Variants in AZIN1 observed in about 807,000 individuals in gnomAD.
The protein encoded by AZIN1 is ornithine decarboxylase antizyme inhibitor.
A neutral mutation model predicts 47.4 loss-of-function variants in AZIN1; 12 were observed. The observed-to-expected ratio is 0.25, with a 90% CI of 0.16 to 0.41. The LOEUF is 0.41. Ranked by LOEUF, AZIN1 falls within the 10% of genes least tolerant of loss-of-function variation. AZIN1 has a pLI of 1.00. For synonymous variants in AZIN1, 155 were observed against 176.3 expected, an observed-to-expected ratio of 0.88 and a Z score of 0.96; for missense variants, 410 against 532.4, an observed-to-expected ratio of 0.77 and a Z score of 2.26.
chr8:102,850,645 T>A (rs1812861129), intron 2 of AZIN1, among the ~76,000 whole-genome samples: 1 of 152,098 alleles, frequency 6.6e-6, no homozygotes, highest in Admixed American at 6.6e-5. Flanking sequence ...GACCCCAAAA[T>A]AAGTGATAGA....
At chr8:102,849,371 C>T (rs1446114889) in intron 2 of AZIN1, among the ~76,000 whole-genome samples, 1 of 152,162 alleles carries the variant, frequency 6.6e-6, no homozygotes, top group African/African-American at 2.4e-5. Context: ...AGAATGCAGA[C>T]TCAAACCAAG....
At chr8:102,862,998 G>A (rs924414765) in intron 1 of AZIN1, among the ~76,000 whole-genome samples, 3 of 152,194 alleles carry the variant, frequency 2.0e-5, no homozygotes, top group African/African-American at 7.2e-5. Context: ...ACCATGGCGC[G>A]GACGGAAAAA....
intron 9 of AZIN1, 53 bp downstream of exon 9, chr8:102,833,003 A>C (rs1044743103): frequency 6.8e-7 from 1 of 1,473,334 alleles, no homozygotes; most frequent in Non-Finnish European, 9.4e-7. Context: ...TCATTTCCAG[A>C]CTAACTGCAA....
At chr8:102,833,804 G>T (rs1206003477) in intron 8 of AZIN1, among the ~76,000 whole-genome samples, 1 of 146,938 alleles carries the variant, frequency 6.8e-6, no homozygotes, top group Non-Finnish European at 1.5e-5. Context: ...GGTTGAAGCA[G>T]GAGGATCGCT....
chr8:102,864,137 G>A lies in AZIN1; in HGVS notation c.-564C>T, dbSNP rs766683797. 1.4e-4 allele frequency: 24 copies of A among 171,632 alleles called. No individual in the cohort carries two copies. Among genetic ancestry groups the A allele is most frequent in the Non-Finnish European group, 1.4e-4 (11 of 81,012 alleles). The allele number at this position is 171,632 out of a possible 1,614,324, so 10.6% of individuals were successfully genotyped here. ...ACGGCAGAAGAAAAAAGGAAAAACTGCGGCCGCGATCAGAGCCTGAAAGTG... is the reference window on the plus strand; with the variant it reads ...ACGGCAGAAGAAAAAAGGAAAAACTACGGCCGCGATCAGAGCCTGAAAGTG... On this transcript the variant is annotated 5_prime_UTR_variant, in exon 1 of 12. Coordinates refer to ENST00000337198, the MANE Select transcript of AZIN1 (RefSeq NM_148174.4).
At chr8:102,843,399 C>T in intron 3 of AZIN1, 152 bp downstream of exon 3, 1 of 618,660 alleles carries the variant, frequency 1.6e-6, no homozygotes, top group South Asian at 2.1e-5. Flanking sequence ...GATCACTACT[C>T]AAGGGGAGTG....
At chr8:102,846,885 A>G (rs1389758444) in intron 2 of AZIN1, among the ~76,000 whole-genome samples, 1 of 152,202 alleles carries the variant, frequency 6.6e-6, no homozygotes, top group Non-Finnish European at 1.5e-5. Flanking sequence ...TCTTGTCACT[A>G]TAAATTAAGA....
intron 2 of AZIN1, among the ~76,000 whole-genome samples, chr8:102,844,882 C>T (rs976567124): frequency 2.0e-5 from 3 of 152,210 alleles, no homozygotes; most frequent in African/African-American, 7.2e-5. Context: ...CCCCGGAGCA[C>T]TCATTGTCCT....
intron 4 of AZIN1, among the ~76,000 whole-genome samples, chr8:102,839,127 T>A (rs1474511421): frequency 6.6e-6 from 1 of 152,194 alleles, no homozygotes; most frequent in Non-Finnish European, 1.5e-5. Context: ...CCCAAAGTGC[T>A]ACGAGTACAG....
intron 2 of AZIN1, among the ~76,000 whole-genome samples, chr8:102,856,258 T>C (rs1138): frequency 0.48 from 72,234 of 151,892 alleles, 17,328 homozygotes; most frequent in Admixed American, 0.52. Context: ...GAAGATTACA[T>C]GTGAATATTT....
At chr8:102,836,894 T>C (rs1049782493) in intron 5 of AZIN1, among the ~76,000 whole-genome samples, 2 of 152,184 alleles carry the variant, frequency 1.3e-5, no homozygotes, top group African/African-American at 2.4e-5. Context: ...ATAGGAAGCA[T>C]TTTTTAAATT....
intron 11 of AZIN1, among the ~76,000 whole-genome samples, 194 bp downstream of exon 11, chr8:102,829,075 TGTA>T (rs1173156375): frequency 2.0e-5 from 3 of 152,242 alleles, no homozygotes; most frequent in Non-Finnish European, 2.9e-5. Context: ...GCCTAGATTA[TGTA>T]GTAGGTTATG....
At chr8:102,830,975 G>GA (rs1355697886) in intron 9 of AZIN1, among the ~76,000 whole-genome samples, 2 of 152,126 alleles carry the variant, frequency 1.3e-5, no homozygotes, top group African/African-American at 4.8e-5. Flanking sequence ...TGAAACCTTT[G>GA]AAAACGCCCA....
intron 10 of AZIN1, among the ~76,000 whole-genome samples, 166 bp from the exon 11 acceptor site, chr8:102,829,652 C>T (rs555192655): frequency 5.3e-5 from 8 of 152,256 alleles, no homozygotes; most frequent in Middle Eastern, 3.4e-3. Flanking sequence ...ATTAACTCCA[C>T]GTAAAGGCAA....
In AZIN1 at chr8:102,827,385, A is replaced by G. The variant is rs1184750844; in HGVS notation, c.*1182T>C. ...TTAAAAGTAATGACTAAGCAGAACAAATTGGAAATAACAAGAAACTAAGGG... is the reference window on the plus strand; with the variant it reads ...TTAAAAGTAATGACTAAGCAGAACAGATTGGAAATAACAAGAAACTAAGGG... On this transcript the variant is annotated 3_prime_UTR_variant, in exon 12 of 12. Coordinates refer to ENST00000337198, the MANE Select transcript of AZIN1 (RefSeq NM_148174.4). 6 of 152,322 alleles carry G rather than the reference A, an allele frequency of 3.9e-5. No homozygotes were observed. Among genetic ancestry groups the G allele is most frequent in the Admixed American group, 3.3e-4 (5 of 15,300 alleles). 9.4% of individuals were successfully genotyped at this position (152,322 alleles called of 1,614,324 possible). A position where few individuals can be genotyped will look rare whatever the true frequency, so the allele number is the denominator to read the frequency against.
At chr8:102,847,570 A>ATTT (rs200379142) in intron 2 of AZIN1, among the ~76,000 whole-genome samples, 1 of 141,980 alleles carries the variant, frequency 7.0e-6, no homozygotes, top group Admixed American at 7.0e-5. Flanking sequence ...AATTTTTCCC[A>ATTT]TTTTTTTTTT....
chr8:102,830,241 C>T (rs144227667), intron 9 of AZIN1: 2,238 of 206,056 alleles, frequency 0.011, 42 homozygotes, highest in African/African-American at 0.039. Context: ...CAAAAATTAG[C>T]CAGGTGTGGT....
At chr8:102,851,951 A>C (rs1343256925) in intron 2 of AZIN1, among the ~76,000 whole-genome samples, 1 of 152,206 alleles carries the variant, frequency 6.6e-6, no homozygotes, top group Non-Finnish European at 1.5e-5. Flanking sequence ...TGGAACTGCT[A>C]GATTGTTAGT....
chr8:102,851,240 G>C (rs1021425870), intron 2 of AZIN1, among the ~76,000 whole-genome samples: 2 of 152,148 alleles, frequency 1.3e-5, no homozygotes, highest in African/African-American at 4.8e-5. Flanking sequence ...AAGTTTTCTA[G>C]CTTTCCTGAT....
Sources: allele counts gnomAD v4.1 joint callset (sites outside exome capture counted in the v4.1 genomes callset), GRCh38; gene constraint gnomAD v4.1.1; transcripts MANE v1.5; gene names NCBI Gene and HGNC (gene_info 2026-07-23, HGNC 2026-07-21).